The following METTL24 variants were observed in gnomAD, a reference collection of about 807,000 sequenced individuals.
The protein encoded by METTL24 is probable methyltransferase-like protein 24.
Under a neutral mutation model 32.7 loss-of-function variants are expected in METTL24, and 29 were observed. That is an observed-to-expected ratio of 0.89 (90% CI 0.66 to 1.21). The LOEUF is 1.21. Among genes scored for constraint, METTL24 ranks in the 50% most tolerant of loss-of-function variants. The pLI is 0.00. For synonymous variants in METTL24, 163 were observed against 179.5 expected (o/e 0.91, Z 0.73); for missense variants, 439 against 468.1 (o/e 0.94, Z 0.57).
At chr6:110,351,545 G>A (rs892456002) in intron 1 of METTL24, among the ~76,000 whole-genome samples, 2 of 152,174 alleles carry the variant, frequency 1.3e-5, no homozygotes, top group African/African-American at 4.8e-5. Context: ...AAGTCCAAGG[G>A]TTGGTTGAAA....
intron 4 of METTL24, among the ~76,000 whole-genome samples, chr6:110,289,001 C>A (rs561395598): frequency 6.6e-6 from 1 of 152,132 alleles, no homozygotes; most frequent in Non-Finnish European, 1.5e-5. Flanking sequence ...CACACTCTAG[C>A]AAATAGCAAA....
intron 4 of METTL24, among the ~76,000 whole-genome samples, chr6:110,258,817 CACACAACAA>C (rs1279640179): frequency 3.0e-4 from 45 of 151,132 alleles, no homozygotes; most frequent in African/African-American, 1.1e-3. Context: ...CACACACACA[CACACAACAA>C]AACAAAACAA....
Position 110,245,393 on chromosome 6 carries a change from C to T in METTL24, c.*553G>A, listed in dbSNP as rs896221025. 2.0e-5 allele frequency among the ~76,000 whole-genome samples: 3 copies of T among 152,058 alleles called. No individual in the cohort carries two copies. Among genetic ancestry groups the T allele is most frequent in the Middle Eastern group, 3.2e-3 (1 of 316 alleles). On this transcript the variant is annotated 3_prime_UTR_variant, in exon 5 of 5. Transcript: ENST00000338882. Reference sequence around the variant, plus strand: ...ACTCAGTGACAGAATTTGGTGCATCCGAGTTCCCAGAAATCAGAAGTATTG... The same window carrying T: ...ACTCAGTGACAGAATTTGGTGCATCTGAGTTCCCAGAAATCAGAAGTATTG...
intron 1 of METTL24, among the ~76,000 whole-genome samples, chr6:110,325,420 C>A (rs1772000401): frequency 6.6e-6 from 1 of 152,196 alleles, no homozygotes; most frequent in Non-Finnish European, 1.5e-5. Flanking sequence ...AATAAAGCTC[C>A]ATTTACACAA....
At chr6:110,336,815 T>C (rs915629341) in intron 1 of METTL24, among the ~76,000 whole-genome samples, 3 of 151,574 alleles carry the variant, frequency 2.0e-5, no homozygotes. Context: ...ACTTATACAC[T>C]GTCGGTGGGA....
chr6:110,325,979 G>A (rs890470397), intron 1 of METTL24, among the ~76,000 whole-genome samples: 9 of 152,166 alleles, frequency 5.9e-5, no homozygotes, highest in African/African-American at 1.9e-4. Context: ...GACACTGGAT[G>A]GGCCTCAAAG....
intron 4 of METTL24, among the ~76,000 whole-genome samples, chr6:110,247,444 G>A (rs1454178741): frequency 1.3e-5 from 2 of 152,194 alleles, no homozygotes; most frequent in Non-Finnish European, 2.9e-5. Flanking sequence ...GAGGTTTGGA[G>A]TTTGGAAAAT....
intron 4 of METTL24, among the ~76,000 whole-genome samples, chr6:110,261,229 C>T (rs936933131): frequency 2.0e-5 from 3 of 152,104 alleles, no homozygotes; most frequent in African/African-American, 7.2e-5. Flanking sequence ...ACCCATCTCT[C>T]GTGCAGAGAC....
chr6:110,309,828 T>A (rs1771686265), intron 3 of METTL24, among the ~76,000 whole-genome samples: 1 of 149,568 alleles, frequency 6.7e-6, no homozygotes, highest in African/African-American at 2.5e-5. Context: ...TCAGACAATA[T>A]CACTCCCAAA....
intron 4 of METTL24, among the ~76,000 whole-genome samples, chr6:110,263,373 G>A (rs867922764): frequency 1.3e-5 from 2 of 152,126 alleles, no homozygotes; most frequent in Admixed American, 6.5e-5. Context: ...ATTCACAATT[G>A]CTTCAAAGAG....
chr6:110,323,940 G>A (rs915900057), intron 1 of METTL24, among the ~76,000 whole-genome samples: 2 of 152,284 alleles, frequency 1.3e-5, no homozygotes, highest in Admixed American at 1.3e-4. Context: ...CATATACACA[G>A]TGTTCTCCAG....
intron 2 of METTL24, among the ~76,000 whole-genome samples, chr6:110,319,259 C>T (rs563297296): frequency 1.3e-4 from 18 of 137,106 alleles, no homozygotes; most frequent in African/African-American, 5.8e-4. Context: ...TGTTTTTATC[C>T]CTGTGTGTGT....
At chr6:110,255,685 A>C (rs1241570786) in intron 4 of METTL24, among the ~76,000 whole-genome samples, 1 of 152,230 alleles carries the variant, frequency 6.6e-6, no homozygotes, top group African/African-American at 2.4e-5. Flanking sequence ...TTACCTGGTT[A>C]ATTTATTTGC....
intron 3 of METTL24, among the ~76,000 whole-genome samples, chr6:110,303,389 G>A (rs111724352): frequency 1.3e-5 from 2 of 152,164 alleles, no homozygotes; most frequent in African/African-American, 4.8e-5. Flanking sequence ...CACCCCCAAG[G>A]AGCCCAGCAA....
intron 1 of METTL24, among the ~76,000 whole-genome samples, chr6:110,324,185 C>A (rs1427838533): frequency 2.6e-5 from 4 of 152,136 alleles, no homozygotes; most frequent in African/African-American, 9.7e-5. Context: ...AGATCAATAC[C>A]AGCGCTTTGG....
At chr6:110,287,905 C>T (rs1771252257) in intron 4 of METTL24, among the ~76,000 whole-genome samples, 1 of 152,206 alleles carries the variant, frequency 6.6e-6, no homozygotes, top group African/African-American at 2.4e-5. Context: ...ATCTAAGACT[C>T]AGGCATGCCT....
At chr6:110,261,568 G>A (rs1383306199) in intron 4 of METTL24, among the ~76,000 whole-genome samples, 1 of 152,128 alleles carries the variant, frequency 6.6e-6, no homozygotes, top group Non-Finnish European at 1.5e-5. Flanking sequence ...GAGACAGAAA[G>A]TTAACAAGGA....
chr6:110,266,944 T>C (rs954650049), intron 4 of METTL24, among the ~76,000 whole-genome samples: 1 of 152,180 alleles, frequency 6.6e-6, no homozygotes, highest in Non-Finnish European at 1.5e-5. Flanking sequence ...TTAAGTTGAA[T>C]GTGTCAAGTC....
intron 3 of METTL24, among the ~76,000 whole-genome samples, chr6:110,304,955 A>T (rs1329626410): frequency 6.6e-6 from 1 of 152,202 alleles, no homozygotes; most frequent in Admixed American, 6.5e-5. Context: ...CTAACAGCAG[A>T]TCTCTCTCTG....
Sources: allele counts gnomAD v4.1 joint callset (sites outside exome capture counted in the v4.1 genomes callset), GRCh38; gene constraint gnomAD v4.1.1; transcripts MANE v1.5; gene names NCBI Gene and HGNC (gene_info 2026-07-23, HGNC 2026-07-21).